MFHAS1: variants seen among roughly 807,000 people sequenced by gnomAD.
The protein encoded by MFHAS1 is multifunctional ROCO family signaling regulator 1.
In MFHAS1, 50 loss-of-function variants were observed where a neutral mutation model predicts 70.4. That is an observed-to-expected ratio of 0.71 (90% confidence interval 0.57 to 0.90). MFHAS1 has a LOEUF of 0.90. Among genes scored for constraint, MFHAS1 ranks in the 40% least tolerant of loss-of-function variants. The probability of loss-of-function intolerance (pLI) is 0.00; values close to 1 mark genes in which losing one functional copy is unlikely to be tolerated. For synonymous variants in MFHAS1, 952 were observed against 620.0 expected, an observed-to-expected ratio of 1.54 and a Z score of -7.96; for missense variants, 1,795 against 1,347.6, an observed-to-expected ratio of 1.33 and a Z score of -5.20.
At chr8:8,834,119 C>G (rs1807510822) in intron 1 of MFHAS1, among the ~76,000 whole-genome samples, 1 of 84,254 alleles carries the variant, frequency 1.2e-5, no homozygotes, top group African/African-American at 3.4e-5. Context: ...GAGTGAGACT[C>G]TGTCAAAAAA....
chr8:8,830,938 C>T (rs1420800249), intron 1 of MFHAS1, among the ~76,000 whole-genome samples: 1 of 152,198 alleles, frequency 6.6e-6, no homozygotes, highest in Non-Finnish European at 1.5e-5. Context: ...AGTCAGCTTG[C>T]TCTTTGTCTT....
chr8:8,856,076 G>A (rs773274427), intron 1 of MFHAS1, among the ~76,000 whole-genome samples: 1 of 152,200 alleles, frequency 6.6e-6, no homozygotes, highest in Non-Finnish European at 1.5e-5. Flanking sequence ...CAGAACTACA[G>A]TTTAGAAGAC....
chr8:8,833,091 G>T (rs372170406), intron 1 of MFHAS1, among the ~76,000 whole-genome samples: 1 of 152,116 alleles, frequency 6.6e-6, no homozygotes, highest in South Asian at 2.1e-4. Flanking sequence ...AGAAAGAGAA[G>T]GGAAGGTGCC....
intron 1 of MFHAS1, among the ~76,000 whole-genome samples, chr8:8,876,530 T>C (rs1469524487): frequency 6.6e-6 from 1 of 151,994 alleles, no homozygotes. Context: ...AGGTCAGCAG[T>C]TCGAGACCAG....
chr8:8,892,355 C>A lies in MFHAS1; in HGVS notation c.704G>T (p.Ser235Ile). 1 of 1,612,226 alleles carries A rather than the reference C, an allele frequency of 6.2e-7. No individual in the cohort carries two copies. The highest frequency in any genetic ancestry group is 8.5e-7 in the Non-Finnish European group (1 of 1,179,940). The change falls in exon 1 of 3, where the codon AGT becomes ATT. Residue 235 changes from serine (S) to isoleucine (I), a missense_variant. Transcript: ENST00000276282. This position sits in a 1 kb window ranked among gnomAD's most constrained non-coding sequence, Gnocchi z 4.7. ...ALRALKILWL[S>I]GAELGTLPAG... The stretch of plus-strand genomic sequence containing the variant: ...GGGCAGCGTGCCAAGCTCGGCCCCA[C>A]TCAGCCAGAGGATCTTGAGGGCACG...
chr8:8,880,872 A>G (rs992296847), intron 1 of MFHAS1, among the ~76,000 whole-genome samples: 1 of 152,012 alleles, frequency 6.6e-6, no homozygotes, highest in African/African-American at 2.4e-5. Context: ...TTTAGTAGAG[A>G]TGAGGGTTCA....
At chr8:8,832,052 GCGCGCGCGCGCACA>G (rs1030938385) in intron 1 of MFHAS1, among the ~76,000 whole-genome samples, 1 of 35,814 alleles carries the variant, frequency 2.8e-5, no homozygotes, top group African/African-American at 7.7e-5. Flanking sequence ...ACATGCACGC[GCGCGCGCGCGCACA>G]CACACACACA....
Position 8,785,796 on chromosome 8 carries a change from G to T in MFHAS1, c.*226C>A. 3 of 461,316 alleles carry T rather than the reference G, an allele frequency of 6.5e-6. No homozygotes were observed. Among genetic ancestry groups the T allele is most frequent in the South Asian group, 3.6e-5 (1 of 27,758 alleles). 28.6% of individuals were successfully genotyped at this position (461,316 alleles called of 1,614,324 possible). ...GCGCTCCTTGGAGGATCACAGTTCT[G>T]AGGTTCAGGTTGTAAAACATTTGCT... On this transcript the variant is annotated 3_prime_UTR_variant, in exon 3 of 3. Coordinates refer to ENST00000276282, the MANE Select transcript of MFHAS1 (RefSeq NM_004225.3).
intron 1 of MFHAS1, among the ~76,000 whole-genome samples, chr8:8,835,177 G>T (rs1487436606): frequency 1.6e-5 from 1 of 62,062 alleles, no homozygotes; most frequent in Non-Finnish European, 4.0e-5. Flanking sequence ...GGTACATTTG[G>T]GGTAATGGGA....
chr8:8,831,594 T>C (rs1585040650), intron 1 of MFHAS1, among the ~76,000 whole-genome samples: 2 of 150,242 alleles, frequency 1.3e-5, no homozygotes, highest in Admixed American at 6.6e-5. Context: ...AGTTCAGAAA[T>C]AGACAAACAC....
At chr8:8,841,388 T>G (rs1000274273) in intron 1 of MFHAS1, among the ~76,000 whole-genome samples, 7 of 151,682 alleles carry the variant, frequency 4.6e-5, no homozygotes, top group African/African-American at 1.7e-4. Flanking sequence ...GGCAGGAGAA[T>G]CGCTTGAACC....
chr8:8,859,974 C>T (rs1808600029), intron 1 of MFHAS1: 1 of 152,116 alleles, frequency 6.6e-6, no homozygotes, highest in South Asian at 2.1e-4. Context: ...ATAACTTACC[C>T]ATCAGGACTG....
intron 1 of MFHAS1, among the ~76,000 whole-genome samples, chr8:8,871,317 A>AG (rs1163803507): frequency 6.6e-6 from 1 of 152,162 alleles, no homozygotes; most frequent in African/African-American, 2.4e-5. Flanking sequence ...TGGGAGGCCG[A>AG]GGGGGCTGGA....
intron 1 of MFHAS1, among the ~76,000 whole-genome samples, chr8:8,840,461 C>CAAAAAAAAAAAAAAAAAAA (rs141909980): frequency 1.2e-5 from 1 of 82,114 alleles, no homozygotes; most frequent in Non-Finnish European, 2.6e-5. Flanking sequence ...CATCTCAATA[C>CAAAAAAAAAAAAAAAAAAA]AAAAAAAAAA....
In MFHAS1 at chr8:8,787,323, G is replaced by A. The variant is rs188289889; in HGVS notation, c.3126-1268C>T. On this transcript the variant is annotated intron_variant, in intron 2 of 2. Coordinates refer to ENST00000276282, the MANE Select transcript of MFHAS1 (RefSeq NM_004225.3). ...TCTTGATCTCCTGACCTCATGATCC[G>A]CCCACCTTGGCCTCCCAAAGTACTG... is the stretch of plus-strand genomic sequence containing the variant. Among the ~76,000 whole-genome samples, 408 of 152,144 alleles carry A rather than the reference G, an allele frequency of 2.7e-3. 1 individual carries two copies. The highest frequency in any genetic ancestry group is 4.2e-3 in the Non-Finnish European group (289 of 68,002).
chr8:8,786,993 C>T (rs1163306602), intron 2 of MFHAS1, among the ~76,000 whole-genome samples: 1 of 152,090 alleles, frequency 6.6e-6, no homozygotes, highest in Non-Finnish European at 1.5e-5. Context: ...TAACTACATG[C>T]CAGGAATTAG....
At chr8:8,788,221 G>T (rs899060024) in intron 2 of MFHAS1, among the ~76,000 whole-genome samples, 1 of 152,218 alleles carries the variant, frequency 6.6e-6, no homozygotes, top group Non-Finnish European at 1.5e-5. Context: ...GGCAGGATTT[G>T]ATTTAGTTCT....
chr8:8,797,396 G>C lies in MFHAS1; in HGVS notation c.3094C>G (p.Pro1032Ala), dbSNP rs1465177675. ...ERVNVALVYP[P>A]TPTVISPCSK... Reference sequence around the variant, plus strand: ...CAGGGGCTGATCACAGTCGGCGTGGGTGGGTAAACCAAGGCAACATTTACT... The same window carrying C: ...CAGGGGCTGATCACAGTCGGCGTGGCTGGGTAAACCAAGGCAACATTTACT... The change falls in exon 2 of 3, where the codon CCC becomes GCC. Residue 1032 changes from proline to alanine, a missense_variant. Physicochemically the swap from Pro to Ala is conservative, Grantham distance 27. Transcript: ENST00000276282. 6.2e-7 allele frequency: 1 copy of C among 1,614,094 alleles called. No homozygotes were observed. Among genetic ancestry groups the C allele is most frequent in the Non-Finnish European group, 8.5e-7 (1 of 1,180,008 alleles).
At chr8:8,870,868 C>A (rs1244735150) in intron 1 of MFHAS1, among the ~76,000 whole-genome samples, 1 of 152,178 alleles carries the variant, frequency 6.6e-6, no homozygotes, top group African/African-American at 2.4e-5. Flanking sequence ...TGTTTATAGT[C>A]CAGTACTGCA....
Sources: allele counts gnomAD v4.1 joint callset (sites outside exome capture counted in the v4.1 genomes callset), GRCh38; gene constraint gnomAD v4.1.1; non-coding constraint Gnocchi (gnomAD v3.1); transcripts MANE v1.5; gene names NCBI Gene and HGNC (gene_info 2026-07-23, HGNC 2026-07-21).